GLI2: variants seen among roughly 807,000 people sequenced by gnomAD.
The protein encoded by GLI2 is GLI family zinc finger 2.
GLI2 carries 22 observed loss-of-function variants against 78.9 expected under a neutral mutation model. That is an observed-to-expected ratio of 0.28 (90% CI 0.20 to 0.40). The LOEUF is 0.40. Ranked by LOEUF, GLI2 falls within the 10% of genes least tolerant of loss-of-function variation. GLI2 has a pLI of 1.00. For synonymous variants in GLI2, 974 were observed against 963.7 expected (o/e 1.01, Z -0.20); for missense variants, 2,097 against 2,213.2 (o/e 0.95, Z 1.05).
intron 3 of GLI2, among the ~76,000 whole-genome samples, chr2:120,950,023 A>C (rs1316125319): frequency 6.6e-6 from 1 of 152,226 alleles, no homozygotes; most frequent in Non-Finnish European, 1.5e-5. Context: ...GGGCAATGCT[A>C]GGTTAGCCCT....
At chr2:120,981,581 G>A (rs1025165128) in intron 10 of GLI2, among the ~76,000 whole-genome samples, 6 of 152,302 alleles carry the variant, frequency 3.9e-5, no homozygotes, top group Admixed American at 3.9e-4. Flanking sequence ...GTGAGTTGTG[G>A]AAACAGATAA....
chr2:120,988,892 T>G lies in GLI2; in HGVS notation c.2927T>G (p.Val976Gly). The change falls in exon 14 of 14, where the codon GTG becomes GGG. Residue 976 changes from valine (V) to glycine (G), a missense_variant. Val to Gly is a moderately radical substitution (Grantham distance 109). Coordinates refer to ENST00000361492, the MANE Select transcript of GLI2 (RefSeq NM_001374353.1). ...CAGCGCTTCCACAGCACCCACAACG[T>G]GAACCCCGGCCCGCTGCCGCCCTGT... ...RVQRFHSTHN[V>G]NPGPLPPCAD... is the part of the protein sequence containing the mutation. 1 of 1,506,682 alleles carries G rather than the reference T, an allele frequency of 6.6e-7. No homozygotes were observed. The highest frequency in any genetic ancestry group is 8.8e-7 in the Non-Finnish European group (1 of 1,130,272). 93.3% of individuals were successfully genotyped at this position (1,506,682 alleles called of 1,614,324 possible). A position where few individuals can be genotyped will look rare whatever the true frequency, so the allele number is the denominator to read the frequency against.
chr2:120,979,969 C>T (rs1052955774), intron 10 of GLI2, among the ~76,000 whole-genome samples: 7 of 152,206 alleles, frequency 4.6e-5, no homozygotes, highest in African/African-American at 7.2e-5. Flanking sequence ...AGCATGCACG[C>T]GTACTTTCTT....
At chr2:120,847,846 G>A (rs1687195817) in intron 2 of GLI2, among the ~76,000 whole-genome samples, 1 of 152,156 alleles carries the variant, frequency 6.6e-6, no homozygotes, top group Non-Finnish European at 1.5e-5. Flanking sequence ...TACGACTGCA[G>A]CTGGATCCCT....
At chr2:120,856,816 G>A (rs10427244) in intron 2 of GLI2, among the ~76,000 whole-genome samples, 18 of 152,206 alleles carry the variant, frequency 1.2e-4, no homozygotes, top group Admixed American at 2.6e-4. Flanking sequence ...CTGGAATGGG[G>A]ATAAAATCCA....
chr2:120,769,006 G>T (rs1238857851), intron 1 of GLI2, among the ~76,000 whole-genome samples: 1 of 152,156 alleles, frequency 6.6e-6, no homozygotes, highest in Non-Finnish European at 1.5e-5. Context: ...CCTTCCCCAG[G>T]CTGGCCAGGC....
chr2:120,867,964 C>T (rs2104663737), intron 2 of GLI2, among the ~76,000 whole-genome samples: 1 of 152,288 alleles, frequency 6.6e-6, no homozygotes, highest in East Asian at 1.9e-4. Context: ...GGCGAGCGTG[C>T]CAGGGACTGG....
chr2:120,869,405 A>G (rs1253741570), intron 2 of GLI2, among the ~76,000 whole-genome samples: 5 of 152,152 alleles, frequency 3.3e-5, no homozygotes, highest in Non-Finnish European at 2.9e-5. Flanking sequence ...TTTTTCCCCT[A>G]GCTAGCCCCA....
At chr2:120,835,925 C>T (rs1262328225) in intron 2 of GLI2, among the ~76,000 whole-genome samples, 2 of 152,058 alleles carry the variant, frequency 1.3e-5, no homozygotes, top group Non-Finnish European at 2.9e-5. Context: ...TTTTAGTCTG[C>T]AGCATGTCAA....
intron 2 of GLI2, among the ~76,000 whole-genome samples, chr2:120,919,328 T>A (rs888477916): frequency 6.6e-6 from 1 of 152,228 alleles, no homozygotes; most frequent in Non-Finnish European, 1.5e-5. Flanking sequence ...CCTTCTCCAG[T>A]CATCCCAGAG....
chr2:120,845,462 C>T (rs541886157), intron 2 of GLI2, among the ~76,000 whole-genome samples: 2 of 152,336 alleles, frequency 1.3e-5, no homozygotes, highest in East Asian at 1.9e-4. Flanking sequence ...GGCACGCCCA[C>T]GTGGGCCTGG....
intron 2 of GLI2, among the ~76,000 whole-genome samples, chr2:120,919,863 G>A (rs1348916096): frequency 6.6e-6 from 1 of 152,228 alleles, no homozygotes; most frequent in Non-Finnish European, 1.5e-5. Context: ...TGCCCAAGAA[G>A]GATGGGGATC....
At position 120,768,010 on chromosome 2, in the gene GLI2, C is replaced by G. The variant is rs149651743; in HGVS notation, c.-30-29281C>G. 1.8e-3 allele frequency among the ~76,000 whole-genome samples: 279 copies of G among 152,328 alleles called. 3 individuals are homozygous for G. The highest frequency in any genetic ancestry group is 6.6e-3 in the African/African-American group (273 of 41,574). ...TGCTGATACTCCTCAGAGTTCAGTT[C>G]ATGGCTGTCCCGACGCTCCTGGAAC... On this transcript the variant is annotated intron_variant, in intron 1 of 13. Transcript: ENST00000361492.
intron 2 of GLI2, among the ~76,000 whole-genome samples, chr2:120,856,629 C>T (rs1271024228): frequency 6.6e-6 from 1 of 152,150 alleles, no homozygotes; most frequent in East Asian, 1.9e-4. Context: ...AGAACACTCT[C>T]ATGGCACCGG....
At chr2:120,966,992 A>AGGG (rs1681890221) in intron 5 of GLI2, among the ~76,000 whole-genome samples, 1 of 152,254 alleles carries the variant, frequency 6.6e-6, no homozygotes, top group Non-Finnish European at 1.5e-5. Context: ...CCCTGCAGTC[A>AGGG]GGGCAGCCTG....
chr2:120,870,673 C>T (rs937543526), intron 2 of GLI2, among the ~76,000 whole-genome samples: 2 of 152,190 alleles, frequency 1.3e-5, no homozygotes, highest in African/African-American at 2.4e-5. Context: ...GTGACCGCGC[C>T]ATGTGCCACC....
At chr2:120,902,982 G>A (rs1195723096) in intron 2 of GLI2, among the ~76,000 whole-genome samples, 1 of 152,182 alleles carries the variant, frequency 6.6e-6, no homozygotes, top group African/African-American at 2.4e-5. Context: ...AGCTGAGGCA[G>A]GAGAGGGAAG....
At chr2:120,971,529 G>C (rs760969509) in intron 7 of GLI2, among the ~76,000 whole-genome samples, 4 of 152,230 alleles carry the variant, frequency 2.6e-5, no homozygotes, top group African/African-American at 7.2e-5. Flanking sequence ...TTTAGCTCTA[G>C]CCCCTTCTCC....
In GLI2 at chr2:120,990,400, G is replaced by T; in HGVS notation, c.4435G>T (p.Val1479Leu). 1.2e-6 allele frequency: 2 copies of T among 1,614,092 alleles called. No homozygotes were observed. The highest frequency in any genetic ancestry group is 1.1e-5 in the South Asian group (1 of 91,070). The change falls in exon 14 of 14, where the codon GTG becomes TTG. Residue 1479 changes from valine to leucine, a missense_variant. By Grantham distance (32) the Val-to-Leu change is conservative. Transcript: ENST00000361492. ...CTTGCCCTCACCAGGGGTCAACCAG[G>T]TGTCCAGCACTGTGGACTCCCAGCT... is the stretch of plus-strand genomic sequence containing the variant. ...QPLPSPGVNQVSSTVDSQLLE... is the reference protein window; with the variant it reads ...QPLPSPGVNQLSSTVDSQLLE...
Sources: gnomAD v4.1 joint callset for allele counts (sites outside exome capture counted in the v4.1 genomes callset) on GRCh38, gnomAD v4.1.1 for gene constraint, MANE v1.5 for transcripts, NCBI Gene and HGNC (gene_info 2026-07-23, HGNC 2026-07-21) for gene names.